APBB1: variants seen among roughly 807,000 people sequenced by gnomAD.
The protein encoded by APBB1 is amyloid beta precursor protein binding family B member 1, also known as adaptor protein FE65a2.
A neutral mutation model predicts 78.4 loss-of-function variants in APBB1; 22 were observed. The observed-to-expected ratio is 0.28, with a 90% CI of 0.20 to 0.40. The LOEUF (loss-of-function observed/expected upper bound fraction) is 0.40, where lower values mean the gene tolerates loss of function less well. Among genes scored for constraint, APBB1 ranks in the 10% least tolerant of loss-of-function variants. The pLI, the probability that APBB1 is intolerant of heterozygous loss-of-function variation, is 1.00. For missense variants in APBB1, 749 were observed against 932.4 expected (o/e 0.80, Z 2.56); for synonymous variants, 369 against 372.7 (o/e 0.99, Z 0.12).
chr11:6,401,064 G>A lies in APBB1; in HGVS notation c.1597C>T (p.Pro533Ser). Residue 533 changes from proline (P) to serine (S), a missense_variant, in exon 12 of 15, where the codon CCA (proline) becomes TCA (serine). By Grantham distance (74) the Pro-to-Ser change is moderately conservative (BLOSUM62 -1). Transcript: ENST00000609360. The surrounding 1 kb of genome is among the most constrained non-coding windows in gnomAD (Gnocchi z 4.5). ...TGGACCAACTCATTCTTAGGCGCTG[G>A]GAATTCCACTATGGGAAAGAAGAGA... is the stretch of plus-strand genomic sequence containing the variant. ...LVDVPFQVEF[P>S]APKNELVQKF... is the part of the protein sequence containing the mutation. The A allele has an allele frequency of 6.2e-7, 1 of 1,614,080 alleles. No homozygotes were observed. Among genetic ancestry groups the A allele is most frequent in the Non-Finnish European group, 8.5e-7 (1 of 1,180,020 alleles).
At chr11:6,416,480 T>A (rs1031038437) in intron 1 of APBB1, among the ~76,000 whole-genome samples, 1 of 152,176 alleles carries the variant, frequency 6.6e-6, no homozygotes, top group Admixed American at 6.5e-5. Context: ...TCCACTTGGA[T>A]GTCTCAAGCT....
At chr11:6,404,918 C>A in intron 2 of APBB1, 1 of 1,471,256 alleles carries the variant, frequency 6.8e-7, no homozygotes. Flanking sequence ...CCCCTTCTCA[C>A]CAGGGCAGAG....
upstream of APBB1, chr11:6,419,350 C>T (rs1441030337): frequency 1.9e-5 from 4 of 210,964 alleles, no homozygotes; most frequent in Non-Finnish European, 2.8e-5. Context: ...ACTCACCCTG[C>T]GCGCCCCGCA....
In APBB1 at chr11:6,405,046, C is replaced by T. The variant is rs1848739811; in HGVS notation, c.722-1224G>A. The stretch of plus-strand genomic sequence containing the variant: ...GAGGAGAAAGGGAGGTTCATGAGAC[C>T]CCAGCCCCTTCTGCTCACACCTCTT... On this transcript the variant is annotated intron_variant, in intron 2 of 14. Transcript: ENST00000609360. The T allele has an allele frequency of 2.8e-6, 4 of 1,415,010 alleles. No individual in the cohort carries two copies. In the Admixed American group the frequency reaches 1.2e-4, roughly 42 times the overall value. 87.7% of individuals were successfully genotyped at this position (1,415,010 alleles called of 1,614,324 possible).
intron 2 of APBB1, chr11:6,404,676 G>A (rs1848711598): frequency 2.0e-6 from 3 of 1,536,158 alleles, no homozygotes; most frequent in Non-Finnish European, 2.6e-6. Context: ...ACCCGCTCAT[G>A]CGTCCTCTAA....
At chr11:6,404,969 G>A (rs963493900) in intron 2 of APBB1, 2 of 1,437,192 alleles carry the variant, frequency 1.4e-6, no homozygotes, top group Non-Finnish European at 1.8e-6. Flanking sequence ...GAGCTTGCTA[G>A]GGAGGGGCCA....
At chr11:6,413,158 C>T (rs926030315) in intron 1 of APBB1, among the ~76,000 whole-genome samples, 1 of 152,082 alleles carries the variant, frequency 6.6e-6, no homozygotes, top group Non-Finnish European at 1.5e-5. Flanking sequence ...CAACCACTGC[C>T]CACTTCTCTC....
chr11:6,403,629 C>T lies in APBB1; in HGVS notation c.897+18G>A. 6.2e-7 allele frequency: 1 copy of T among 1,612,020 alleles called. No individual in the cohort carries two copies. The highest frequency in any genetic ancestry group is 1.3e-5 in the African/African-American group (1 of 75,034). On this transcript the variant is annotated intron_variant, in intron 3 of 14. Transcript: ENST00000609360. The surrounding 1 kb of genome is among the most constrained non-coding windows in gnomAD (Gnocchi z 5.3). ...CCCTCCACCCCTGGCCCAAAATCAACAGGCCTGTGAGCCTCACCTGGGACT... is the reference window on the plus strand; with the variant it reads ...CCCTCCACCCCTGGCCCAAAATCAATAGGCCTGTGAGCCTCACCTGGGACT...
intron 2 of APBB1, 36 bp downstream of exon 2, chr11:6,410,591 C>T: frequency 6.7e-7 from 1 of 1,502,832 alleles, no homozygotes; most frequent in South Asian, 1.4e-5. Context: ...TGCCCTCACA[C>T]CCTCCCACAT....
chr11:6,405,804 T>A, intron 2 of APBB1: 1 of 490,242 alleles, frequency 2.0e-6, no homozygotes, highest in Non-Finnish European at 2.7e-6. Flanking sequence ...GAAACTTAGC[T>A]GAGGCTCAGG....
Position 6,395,181 on chromosome 11 carries a change from G to A in APBB1, c.*353C>T, listed in dbSNP as rs566809907. On this transcript the variant is annotated 3_prime_UTR_variant, in exon 15 of 15. Transcript: ENST00000609360. This position sits in a 1 kb window ranked among gnomAD's most constrained non-coding sequence, Gnocchi z 5.2. ...ATACAGCAGAGGTGCCCATGGAGCA[G>A]GGGGAAGGGACCCATGCCTGGACCA... is the stretch of plus-strand genomic sequence containing the variant. The A allele has an allele frequency of 2.4e-5, 6 of 252,102 alleles. No individual in the cohort carries two copies. The highest frequency in any genetic ancestry group is 4.9e-5 in the Admixed American group (1 of 20,504). The allele number at this position is 252,102 out of a possible 1,614,324, so 15.6% of individuals were successfully genotyped here. A position where few individuals can be genotyped will look rare whatever the true frequency, so the allele number is the denominator to read the frequency against.
At chr11:6,408,903 T>C (rs1848889354) in intron 2 of APBB1, among the ~76,000 whole-genome samples, 1 of 152,156 alleles carries the variant, frequency 6.6e-6, no homozygotes, top group African/African-American at 2.4e-5. Flanking sequence ...CCTTTCAAAA[T>C]GCTGGGATTA....
intron 12 of APBB1, among the ~76,000 whole-genome samples, chr11:6,400,315 T>G (rs1470586237): frequency 6.6e-6 from 1 of 152,108 alleles, no homozygotes; most frequent in Non-Finnish European, 1.5e-5. Flanking sequence ...CCGAGGCAGG[T>G]GGATCACTTG....
rs1848944020 is a variant in APBB1, at chr11:6,410,903, C to T, written c.445G>A (p.Gly149Arg). 2 of 1,614,208 alleles carry T rather than the reference C, an allele frequency of 1.2e-6. No individual in the cohort carries two copies. Among genetic ancestry groups the T allele is most frequent in the Non-Finnish European group, 1.7e-6 (2 of 1,180,040 alleles). ...ISTQEQGPDE[G>R]EEKAAGEAEE... ...GCCTCCCCGGCCGCCTTCTCCTCTC[C>T]CTCATCTGGCCCCTGCTCTTGAGTG... The change falls in exon 2 of 15, where the codon GGA becomes AGA. Residue 149 changes from glycine (G) to arginine (R), a missense_variant. Gly to Arg is a moderately radical substitution (Grantham distance 125). Around this residue, in one of 3 missense-constraint regions of APBB1, gnomAD observed 635 missense variants for 765.0 expected, o/e 0.83. Coordinates refer to ENST00000609360, the MANE Select transcript of APBB1 (RefSeq NM_001164.5).
intron 1 of APBB1, among the ~76,000 whole-genome samples, chr11:6,414,163 G>A (rs1279971739): frequency 6.6e-6 from 1 of 152,108 alleles, no homozygotes; most frequent in Non-Finnish European, 1.5e-5. Flanking sequence ...TTATACTCTA[G>A]CCACATGAAG....
At chr11:6,414,517 G>C (rs528191686) in intron 1 of APBB1, among the ~76,000 whole-genome samples, 2 of 152,316 alleles carry the variant, frequency 1.3e-5, no homozygotes, top group Admixed American at 6.5e-5. Context: ...GACAGACACA[G>C]GGGGTGGGAG....
chr11:6,407,401 C>G (rs1399357366), intron 2 of APBB1, among the ~76,000 whole-genome samples: 1 of 152,192 alleles, frequency 6.6e-6, no homozygotes, highest in Non-Finnish European at 1.5e-5. Context: ...AGTGACCATC[C>G]CAGGGGCAAG....
intron 12 of APBB1, among the ~76,000 whole-genome samples, chr11:6,400,309 G>A (rs1179002088): frequency 6.6e-6 from 1 of 152,216 alleles, no homozygotes; most frequent in Non-Finnish European, 1.5e-5. Flanking sequence ...CAGAGGCCGA[G>A]GCAGGTGGAT....
At chr11:6,413,316 T>C (rs1242760035) in intron 1 of APBB1, among the ~76,000 whole-genome samples, 1 of 152,196 alleles carries the variant, frequency 6.6e-6, no homozygotes, top group Non-Finnish European at 1.5e-5. Context: ...CAACAAACAC[T>C]GCACTGTGCT....
Sources: gnomAD v4.1 joint callset for allele counts (sites outside exome capture counted in the v4.1 genomes callset) on GRCh38, gnomAD v4.1.1 for gene constraint, gnomAD v4.1.1 regional missense constraint, Gnocchi (gnomAD v3.1) non-coding constraint, MANE v1.5 for transcripts, NCBI Gene and HGNC (gene_info 2026-07-23, HGNC 2026-07-21) for gene names.